PGAP2: variants seen among roughly 807,000 people sequenced by gnomAD.
PGAP2 encodes acyltransferase PGAP2.
A neutral mutation model predicts 33.2 loss-of-function variants in PGAP2; 21 were observed. The ratio of observed to expected loss-of-function variants is 0.63; its 90% CI spans 0.45 to 0.91. The LOEUF (loss-of-function observed/expected upper bound fraction) is 0.91, where lower values mean the gene tolerates loss of function less well. Ranked by LOEUF, PGAP2 falls within the 40% of genes least tolerant of loss-of-function variation. The pLI is 0.00. For synonymous variants in PGAP2, 161 were observed against 172.9 expected, an observed-to-expected ratio of 0.93 and a Z score of 0.54; for missense variants, 345 against 424.0, an observed-to-expected ratio of 0.81 and a Z score of 1.64.
chr11:3,800,655 C>T (rs1470597856), intron 1 of PGAP2, among the ~76,000 whole-genome samples: 1 of 151,262 alleles, frequency 6.6e-6, no homozygotes, highest in Non-Finnish European at 1.5e-5. Flanking sequence ...ACTGAAAATA[C>T]AAAAAAATTA....
chr11:3,798,048 T>C, intron 1 of PGAP2: 1 of 1,523,492 alleles, frequency 6.6e-7, no homozygotes, highest in South Asian at 1.2e-5. Context: ...CTAGTCTCTC[T>C]GCCCGCACTT....
chr11:3,815,823 A>C (rs2086877977), intron 2 of PGAP2, among the ~76,000 whole-genome samples: 1 of 151,966 alleles, frequency 6.6e-6, no homozygotes, highest in African/African-American at 2.4e-5. Context: ...GCTTGTTGAG[A>C]TCTCTTTTGT....
intron 1 of PGAP2, among the ~76,000 whole-genome samples, chr11:3,799,250 G>GTA (rs1362890950): frequency 6.6e-6 from 1 of 152,150 alleles, no homozygotes; most frequent in East Asian, 1.9e-4. Flanking sequence ...AAAGCAAAGC[G>GTA]TATACTGGCC....
upstream of PGAP2, chr11:3,808,146 G>A (rs1301443118): frequency 2.8e-6 from 4 of 1,446,860 alleles, no homozygotes; most frequent in African/African-American, 4.2e-5. Context: ...TTTGGGGGAG[G>A]GGCGCCAGGG....
chr11:3,823,442 C>T (rs2089357811), intron 3 of PGAP2, among the ~76,000 whole-genome samples: 1 of 152,114 alleles, frequency 6.6e-6, no homozygotes, highest in African/African-American at 2.4e-5. Context: ...AACATCTTAG[C>T]TGAGCAGTGA....
intron 1 of PGAP2, among the ~76,000 whole-genome samples, chr11:3,803,256 G>C (rs1017077157): frequency 9.9e-5 from 15 of 150,984 alleles, no homozygotes; most frequent in Non-Finnish European, 2.1e-4. Flanking sequence ...GCCTCCCAAA[G>C]TGCTGGGATT....
At chr11:3,802,272 C>G (rs1253197223) in intron 1 of PGAP2, among the ~76,000 whole-genome samples, 1 of 152,090 alleles carries the variant, frequency 6.6e-6, no homozygotes, top group Non-Finnish European at 1.5e-5. Flanking sequence ...TCTAAAGATA[C>G]GTTGTTGGGT....
At chr11:3,822,184 G>GA (rs1364103729) in intron 3 of PGAP2, among the ~76,000 whole-genome samples, 2 of 151,816 alleles carry the variant, frequency 1.3e-5, no homozygotes, top group Non-Finnish European at 2.9e-5. Flanking sequence ...CTAACACGGT[G>GA]AAACCCCGTC....
At chr11:3,814,748 TTTTCTTTCTTTCTTTCTTTCTTTC>T (rs57460101) in intron 2 of PGAP2, among the ~76,000 whole-genome samples, 1,238 of 112,578 alleles carry the variant, frequency 0.011, 5 homozygotes, top group African/African-American at 0.015. Flanking sequence ...TCTTTCCTTC[TTTTCTTTCTTTCTTTCTTTCTTTC>T]TTTCTTTCTT....
intron 3 of PGAP2, chr11:3,822,867 C>T (rs1325081766): frequency 7.3e-6 from 8 of 1,090,862 alleles, no homozygotes; most frequent in Middle Eastern, 4.0e-4. Context: ...AGCAAGACAC[C>T]AGTCCCTGCA....
chr11:3,825,494 G>T lies in PGAP2; in HGVS notation c.*36G>T, dbSNP rs373030868. ...CCTGCTTGGGAGGACGCAGCCCACTGCCCAGAAACAAGAAACACGATACCA... is the reference window on the plus strand; with the variant it reads ...CCTGCTTGGGAGGACGCAGCCCACTTCCCAGAAACAAGAAACACGATACCA... On this transcript the variant is annotated 3_prime_UTR_variant, in exon 7 of 7. Coordinates refer to ENST00000278243, the MANE Select transcript of PGAP2 (RefSeq NM_014489.4). The T allele has an allele frequency of 4.6e-5, 73 of 1,601,178 alleles. No homozygotes were observed. In the African/African-American group the frequency reaches 9.1e-4, roughly 20 times the overall value.
intron 3 of PGAP2, chr11:3,823,117 A>G: frequency 2.0e-5 from 11 of 558,274 alleles, no homozygotes; most frequent in Non-Finnish European, 3.1e-5. Context: ...GCTCACTGCA[A>G]GCTCCGCTTC....
At chr11:3,801,608 C>G (rs1408395876) in intron 1 of PGAP2, among the ~76,000 whole-genome samples, 1 of 133,930 alleles carries the variant, frequency 7.5e-6, no homozygotes, top group African/African-American at 2.8e-5. Flanking sequence ...CGCCACTGCA[C>G]TCCAGCCTGG....
At chr11:3,823,251 GTCTT>G (rs1337783776) in intron 3 of PGAP2, among the ~76,000 whole-genome samples, 1 of 151,758 alleles carries the variant, frequency 6.6e-6, no homozygotes, top group Admixed American at 6.6e-5. Flanking sequence ...GGCCAGGCTG[GTCTT>G]TAACTCCTGA....
At chr11:3,815,286 G>A (rs1205433708) in intron 2 of PGAP2, among the ~76,000 whole-genome samples, 1 of 151,478 alleles carries the variant, frequency 6.6e-6, no homozygotes, top group Non-Finnish European at 1.5e-5. Context: ...AGACAGTAAT[G>A]AGGGGCCTTG....
At chr11:3,805,191 A>T (rs917096035), upstream of PGAP2, among the ~76,000 whole-genome samples, 7 of 151,864 alleles carry the variant, frequency 4.6e-5, no homozygotes, top group Non-Finnish European at 8.8e-5. Flanking sequence ...TCATGTACTG[A>T]GTACCTCCCA....
At chr11:3,807,897 C>G (rs1185551241), upstream of PGAP2, 1 of 264,224 alleles carries the variant, frequency 3.8e-6, no homozygotes, top group Non-Finnish European at 6.2e-6. Flanking sequence ...CAGTCATGGT[C>G]AGGGTAGGGA....
At chr11:3,825,184 T>C (rs2089807840) in intron 6 of PGAP2, 56 bp downstream of exon 6, 3 of 1,586,656 alleles carry the variant, frequency 1.9e-6, no homozygotes, top group African/African-American at 1.3e-5. Flanking sequence ...GCAGCAATGA[T>C]GTTTTTGATA....
chr11:3,823,028 T>C (rs923172747), intron 3 of PGAP2: 10 of 306,434 alleles, frequency 3.3e-5, no homozygotes, highest in Non-Finnish European at 5.3e-5. Flanking sequence ...TCTTTTCTTT[T>C]TTTTTTTTTT....
Sources: allele counts gnomAD v4.1 joint callset (sites outside exome capture counted in the v4.1 genomes callset), GRCh38; gene constraint gnomAD v4.1.1; transcripts MANE v1.5; gene names NCBI Gene and HGNC (gene_info 2026-07-23, HGNC 2026-07-21).